PLXDC2: variants seen among roughly 807,000 people sequenced by gnomAD.
The protein encoded by PLXDC2 is plexin domain containing 2, also known as plexin domain-containing protein 2.
In PLXDC2, 40 loss-of-function variants were observed where a neutral mutation model predicts 68.9. The observed-to-expected ratio is 0.58, with a 90% CI of 0.45 to 0.76. The LOEUF (loss-of-function observed/expected upper bound fraction) is 0.76. Ranked by LOEUF, PLXDC2 falls within the 30% of genes least tolerant of loss-of-function variation. The probability of loss-of-function intolerance (pLI) is 0.00; values close to 1 mark genes in which losing one functional copy is unlikely to be tolerated. For missense variants in PLXDC2, 644 were observed against 661.9 expected, an observed-to-expected ratio of 0.97 and a Z score of 0.30; for synonymous variants, 243 against 234.2, an observed-to-expected ratio of 1.04 and a Z score of -0.34.
chr10:20,206,064 C>T (rs140941870), intron 9 of PLXDC2, among the ~76,000 whole-genome samples: 23 of 152,000 alleles, frequency 1.5e-4, no homozygotes, highest in South Asian at 6.2e-4. Context: ...TCTGAGATGA[C>T]GGCTATATTA....
At chr10:20,239,031 C>T (rs1439605790) in intron 12 of PLXDC2, among the ~76,000 whole-genome samples, 7 of 151,970 alleles carry the variant, frequency 4.6e-5, no homozygotes, top group Non-Finnish European at 4.4e-5. Context: ...TCCTGTATTT[C>T]CATTTTTGGC....
intron 1 of PLXDC2, among the ~76,000 whole-genome samples, chr10:19,825,530 G>A (rs1836555131): frequency 6.6e-6 from 1 of 152,080 alleles, no homozygotes; most frequent in Non-Finnish European, 1.5e-5. Context: ...ATTCGATAAT[G>A]TTTTTTGGGT....
At chr10:19,991,022 G>A (rs1300164722) in intron 1 of PLXDC2, among the ~76,000 whole-genome samples, 2 of 152,086 alleles carry the variant, frequency 1.3e-5, no homozygotes, top group Non-Finnish European at 2.9e-5. Flanking sequence ...CGAGGCGGGT[G>A]GATCACCTGA....
chr10:20,147,370 T>C (rs1834093568), intron 5 of PLXDC2, among the ~76,000 whole-genome samples: 1 of 152,238 alleles, frequency 6.6e-6, no homozygotes, highest in South Asian at 2.1e-4. Context: ...TCAGGTCTTT[T>C]GTATGTGGTC....
chr10:20,186,932 A>G (rs966738380), intron 9 of PLXDC2, among the ~76,000 whole-genome samples: 2 of 151,950 alleles, frequency 1.3e-5, no homozygotes, highest in Admixed American at 6.6e-5. Flanking sequence ...GTATATACCC[A>G]GTAATGGGAT....
intron 2 of PLXDC2, among the ~76,000 whole-genome samples, chr10:20,016,139 G>T (rs1004491176): frequency 6.6e-6 from 1 of 152,190 alleles, no homozygotes; most frequent in East Asian, 1.9e-4. Flanking sequence ...ACCAAGTCTG[G>T]GGAAAATCTA....
intron 2 of PLXDC2, among the ~76,000 whole-genome samples, chr10:20,041,074 C>T (rs905607243): frequency 2.6e-5 from 4 of 152,074 alleles, no homozygotes; most frequent in African/African-American, 9.7e-5. Context: ...AGACAGTGCT[C>T]ACCATCAGAA....
intron 1 of PLXDC2, among the ~76,000 whole-genome samples, chr10:19,957,480 A>T (rs1187168203): frequency 6.6e-6 from 1 of 152,196 alleles, no homozygotes; most frequent in African/African-American, 2.4e-5. Context: ...TACAAAAATT[A>T]GGTCAATTTT....
intron 12 of PLXDC2, among the ~76,000 whole-genome samples, chr10:20,231,651 T>C (rs1212710851): frequency 6.6e-6 from 1 of 151,952 alleles, no homozygotes; most frequent in Non-Finnish European, 1.5e-5. Flanking sequence ...CATAAGCTTT[T>C]TTTTTGAAAA....
chr10:20,089,169 CGTGTGTGTGTGTGTGTGTGTGTGTGT>C (rs34167804), intron 4 of PLXDC2, among the ~76,000 whole-genome samples: 2 of 142,588 alleles, frequency 1.4e-5, no homozygotes, highest in Non-Finnish European at 3.1e-5. Flanking sequence ...CCTGTATATA[CGTGTGTGTGTGTGTGTGTGTGTGTGT>C]GTGTGTGTGT....
chr10:19,912,482 A>G (rs1833291905), intron 1 of PLXDC2, among the ~76,000 whole-genome samples: 1 of 152,134 alleles, frequency 6.6e-6, no homozygotes, highest in African/African-American at 2.4e-5. Flanking sequence ...AGGCTAGCAA[A>G]TCCTGCCTTA....
intron 13 of PLXDC2, among the ~76,000 whole-genome samples, chr10:20,269,103 C>T (rs1348425191): frequency 1.3e-5 from 2 of 152,176 alleles, no homozygotes; most frequent in Non-Finnish European, 2.9e-5. Context: ...GAGTCTCTTA[C>T]ATTTACAGGG....
chr10:19,819,028 GTA>G lies in PLXDC2; in HGVS notation c.112+1840_112+1841del, dbSNP rs544865514. On this transcript the variant is annotated intron_variant, in intron 1 of 13. Coordinates refer to ENST00000377252, the MANE Select transcript of PLXDC2 (RefSeq NM_032812.9). ...TAACGTTACTGAAAAAAGAATATAT[GTA>G]TACACACACACACACACACACACAC... Among the ~76,000 whole-genome samples, 436 of 85,986 alleles carry G rather than the reference GTA, an allele frequency of 5.1e-3. 3 individuals carry two copies. The highest frequency in any genetic ancestry group is 0.024 in the African/African-American group (408 of 17,160). The allele number at this position is 85,986 out of a possible 152,430, so 56.4% of individuals were successfully genotyped here.
In PLXDC2 at chr10:20,279,973, A is replaced by C. The variant is rs1836060517; in HGVS notation, c.*154A>C. 1 of 620,668 alleles carries C rather than the reference A, an allele frequency of 1.6e-6. No individual in the cohort carries two copies. The highest frequency in any genetic ancestry group is 2.7e-5 in the East Asian group (1 of 37,410). The allele number at this position is 620,668 out of a possible 1,614,324, so 38.4% of individuals were successfully genotyped here. On this transcript the variant is annotated 3_prime_UTR_variant, in exon 14 of 14. Coordinates refer to ENST00000377252, the MANE Select transcript of PLXDC2 (RefSeq NM_032812.9). ...CAAGATTTCTGGACAAGCTCAGCCC[A>C]GGAAACAAAGGGTAAACAAAAAACT... is the stretch of plus-strand genomic sequence containing the variant.
chr10:19,829,698 A>T (rs1836650049), intron 1 of PLXDC2, among the ~76,000 whole-genome samples: 1 of 152,172 alleles, frequency 6.6e-6, no homozygotes. Context: ...ACTGCACTCC[A>T]GCCTAGGCAA....
At chr10:20,207,819 G>T (rs564031163) in intron 9 of PLXDC2, among the ~76,000 whole-genome samples, 1 of 152,060 alleles carries the variant, frequency 6.6e-6, no homozygotes, top group Admixed American at 6.6e-5. Flanking sequence ...AACACAGATG[G>T]TAGGCATAAA....
At chr10:19,997,730 G>T (rs927135851) in intron 1 of PLXDC2, among the ~76,000 whole-genome samples, 54 of 152,226 alleles carry the variant, frequency 3.5e-4, no homozygotes, top group African/African-American at 1.3e-3. Context: ...GATTTGCAAA[G>T]AATAATATGA....
intron 2 of PLXDC2, 25 bp from the exon 3 acceptor site, chr10:20,046,844 T>A (rs1376361221): frequency 1.3e-6 from 2 of 1,568,748 alleles, no homozygotes; most frequent in East Asian, 2.3e-5. Context: ...CGGTTCTTGA[T>A]ATACATTATT....
chr10:20,014,455 C>CTCTT (rs775658546), intron 2 of PLXDC2, among the ~76,000 whole-genome samples: 3 of 145,226 alleles, frequency 2.1e-5, no homozygotes, highest in Admixed American at 7.1e-5. Flanking sequence ...TCCCCTCTCT[C>CTCTT]TCTTTCTTTC....
Sources: gnomAD v4.1 joint callset for allele counts (sites outside exome capture counted in the v4.1 genomes callset) on GRCh38, gnomAD v4.1.1 for gene constraint, MANE v1.5 for transcripts, NCBI Gene and HGNC (gene_info 2026-07-23, HGNC 2026-07-21) for gene names.